ARK2C: variants seen among roughly 807,000 people sequenced by gnomAD.
ARK2C encodes arkadia (RNF111) C-terminal like ring finger ubiquitin ligase 2C, also known as E3 ubiquitin-protein ligase ARK2C.
the ARK2C span, among the ~76,000 whole-genome samples, chr18:46,400,344 G>C: frequency 6.6e-6 from 1 of 152,168 alleles, no homozygotes; most frequent in Non-Finnish European, 1.5e-5. Context: ...TGTGTTCCCC[G>C]GAACAGGGAT....
At chr18:46,384,927 C>T in the ARK2C span, among the ~76,000 whole-genome samples, 2 of 152,176 alleles carry the variant, frequency 1.3e-5, no homozygotes, top group African/African-American at 4.8e-5. Context: ...GTAGATACAG[C>T]CCAGAGCCAG....
At chr18:46,404,422 C>T in the ARK2C span, among the ~76,000 whole-genome samples, 21 of 152,166 alleles carry the variant, frequency 1.4e-4, no homozygotes, top group Non-Finnish European at 2.8e-4. Flanking sequence ...ATGCAATGCA[C>T]TCCATCTTCA....
the ARK2C span, among the ~76,000 whole-genome samples, chr18:46,424,741 A>G: frequency 2.0e-5 from 3 of 152,166 alleles, no homozygotes; most frequent in African/African-American, 4.8e-5. Flanking sequence ...CCAGGAAACT[A>G]GGGCCTGGAG....
the ARK2C span, chr18:46,435,524 C>G: frequency 4.5e-5 from 33 of 731,650 alleles, no homozygotes; most frequent in African/African-American, 4.9e-4. Context: ...CAGGCCCCAG[C>G]GTTTGCCTCT....
chr18:46,335,815 C>A, the ARK2C span: 1 of 884,316 alleles, frequency 1.1e-6, no homozygotes, highest in Non-Finnish European at 1.4e-6. Flanking sequence ...CTGTTTGAAC[C>A]GCAGTTTTTT....
the ARK2C span, among the ~76,000 whole-genome samples, chr18:46,379,715 G>A: frequency 6.6e-6 from 1 of 152,248 alleles, no homozygotes; most frequent in Non-Finnish European, 1.5e-5. Flanking sequence ...ACCCTGGGGA[G>A]CTAATGTACT....
chr18:46,360,148 A>G, the ARK2C span, among the ~76,000 whole-genome samples: 1 of 151,908 alleles, frequency 6.6e-6, no homozygotes, highest in African/African-American at 2.4e-5. Context: ...CCTCCAGCTC[A>G]CTCCTCCAAA....
At chr18:46,405,915 C>T in the ARK2C span, among the ~76,000 whole-genome samples, 1 of 152,094 alleles carries the variant, frequency 6.6e-6, no homozygotes, top group Admixed American at 6.5e-5. Flanking sequence ...TCCCTTCCTC[C>T]TCCCGGAGTG....
At chr18:46,450,091 A>G in the ARK2C span, among the ~76,000 whole-genome samples, 2 of 152,176 alleles carry the variant, frequency 1.3e-5, no homozygotes, top group African/African-American at 4.8e-5. Context: ...CTGTCACTTT[A>G]TTAATTCTGT....
At chr18:46,433,427 C>G in the ARK2C span, 1 of 1,613,464 alleles carries the variant, frequency 6.2e-7, no homozygotes, top group Non-Finnish European at 8.5e-7. Flanking sequence ...TCCTTCCTAC[C>G]TCAGGCCCTG....
the ARK2C span, among the ~76,000 whole-genome samples, chr18:46,339,570 CAT>C: frequency 5.3e-3 from 802 of 152,328 alleles, 8 homozygotes; most frequent in African/African-American, 0.019. Flanking sequence ...CCACCTGACA[CAT>C]GTCTGTTTTA....
chr18:46,356,932 A>G, the ARK2C span, among the ~76,000 whole-genome samples: 2 of 152,164 alleles, frequency 1.3e-5, no homozygotes, highest in African/African-American at 4.8e-5. Flanking sequence ...GAAAGGCGTG[A>G]TCTGTGCCCT....
the ARK2C span, among the ~76,000 whole-genome samples, chr18:46,410,034 A>T: frequency 6.6e-6 from 1 of 152,204 alleles, no homozygotes; most frequent in African/African-American, 2.4e-5. Flanking sequence ...TAGAGGTTGC[A>T]CCAAATTATA....
At chr18:46,380,069 C>T in the ARK2C span, among the ~76,000 whole-genome samples, 3 of 152,216 alleles carry the variant, frequency 2.0e-5, no homozygotes, top group Admixed American at 6.5e-5. Context: ...GCTCTGCTGT[C>T]GGGTTAAACT....
the ARK2C span, among the ~76,000 whole-genome samples, chr18:46,452,387 C>A: frequency 6.6e-6 from 1 of 152,122 alleles, no homozygotes. Context: ...TCAAGCAATT[C>A]TCCCACGTCA....
the ARK2C span, among the ~76,000 whole-genome samples, chr18:46,395,281 AC>A: frequency 0.015 from 2,323 of 152,308 alleles, 52 homozygotes; most frequent in African/African-American, 0.052. Context: ...ATGGCTGCTT[AC>A]CATAGTGCCA....
the ARK2C span, among the ~76,000 whole-genome samples, chr18:46,444,820 C>G: frequency 5.9e-4 from 89 of 152,102 alleles, 1 homozygote; most frequent in East Asian, 0.016. Flanking sequence ...CTAATCTTTT[C>G]TTTTGTAGTA....
the ARK2C span, among the ~76,000 whole-genome samples, chr18:46,418,220 G>A: frequency 6.6e-6 from 1 of 152,028 alleles, no homozygotes; most frequent in Non-Finnish European, 1.5e-5. Context: ...AGCTTTGTGT[G>A]GTCGCACATG....
chr18:46,354,102 C>G, the ARK2C span, among the ~76,000 whole-genome samples: 1 of 152,220 alleles, frequency 6.6e-6, no homozygotes, highest in African/African-American at 2.4e-5. Context: ...CCAATTCTCT[C>G]CTCTTCCTTT....
Sources: gnomAD v4.1 joint callset for allele counts (sites outside exome capture counted in the v4.1 genomes callset) on GRCh38, gnomAD v4.1.1 for gene constraint, MANE v1.5 for transcripts, NCBI Gene and HGNC (gene_info 2026-07-23, HGNC 2026-07-21) for gene names.